Variants in NRXN1 observed in about 807,000 individuals in gnomAD.
The protein encoded by NRXN1 is neurexin 1, also known as neurexin-1.
Under a neutral mutation model 150.9 loss-of-function variants are expected in NRXN1, and 39 were observed. The observed-to-expected ratio is 0.26, with a 90% CI of 0.20 to 0.34. The LOEUF (loss-of-function observed/expected upper bound fraction) is 0.34. Among genes scored for constraint, NRXN1 ranks in the 10% least tolerant of loss-of-function variants. The probability of loss-of-function intolerance (pLI) is 1.00; values close to 1 mark genes in which losing one functional copy is unlikely to be tolerated. For synonymous variants in NRXN1, 924 were observed against 757.0 expected, an observed-to-expected ratio of 1.22 and a Z score of -3.62; for missense variants, 1,815 against 1,949.9, an observed-to-expected ratio of 0.93 and a Z score of 1.30.
intron 12 of NRXN1, among the ~76,000 whole-genome samples, chr2:50,520,406 G>C (rs1036411736): frequency 2.0e-5 from 3 of 151,240 alleles, no homozygotes; most frequent in Admixed American, 6.6e-5. Flanking sequence ...ACCCACTTTT[G>C]ATTTTTTAAT....
chr2:50,775,044 T>C (rs1703439891), intron 5 of NRXN1, among the ~76,000 whole-genome samples: 1 of 152,162 alleles, frequency 6.6e-6, no homozygotes. Context: ...GCATTCCTAC[T>C]GCTCTACTCC....
intron 18 of NRXN1, among the ~76,000 whole-genome samples, chr2:50,198,723 A>G (rs2061937693): frequency 6.6e-6 from 1 of 152,110 alleles, no homozygotes; most frequent in Admixed American, 6.6e-5. Context: ...ACCCCATTCT[A>G]GATTATCCCT....
At chr2:50,644,020 G>T (rs1209979204) in intron 5 of NRXN1, among the ~76,000 whole-genome samples, 1 of 151,198 alleles carries the variant, frequency 6.6e-6, no homozygotes, top group African/African-American at 2.4e-5. Context: ...TTTTTTGTTT[G>T]TTTGTTTTTT....
At chr2:50,325,908 C>G (rs1034191579) in intron 17 of NRXN1, among the ~76,000 whole-genome samples, 2 of 152,138 alleles carry the variant, frequency 1.3e-5, no homozygotes, top group African/African-American at 4.8e-5. Flanking sequence ...AGTTTCTAAT[C>G]TGTAGAGCCT....
intron 18 of NRXN1, among the ~76,000 whole-genome samples, chr2:50,131,779 ACCAGT>A (rs1705530766): frequency 6.6e-6 from 1 of 152,162 alleles, no homozygotes; most frequent in Non-Finnish European, 1.5e-5. Context: ...ATTACTGATT[ACCAGT>A]CATATGTCCC....
At chr2:49,932,214 C>T (rs753251946) in intron 22 of NRXN1, among the ~76,000 whole-genome samples, 5 of 152,026 alleles carry the variant, frequency 3.3e-5, no homozygotes, top group Non-Finnish European at 5.9e-5. Context: ...CCAAGAGTTC[C>T]AGACTAGCCT....
At chr2:50,658,638 T>G (rs896923087) in intron 5 of NRXN1, among the ~76,000 whole-genome samples, 2 of 151,960 alleles carry the variant, frequency 1.3e-5, no homozygotes, top group Non-Finnish European at 2.9e-5. Context: ...CCTCATCACT[T>G]CCTTCTACCG....
intron 2 of NRXN1, among the ~76,000 whole-genome samples, chr2:51,003,174 C>G (rs2105109825): frequency 6.6e-6 from 1 of 151,978 alleles, no homozygotes; most frequent in Non-Finnish European, 1.5e-5. Context: ...CATAGAAAGT[C>G]TTGGAGGAAC....
rs569625680 is a variant in NRXN1 at position 50,750,450 on chromosome 2, G to C, written c.833-126835C>G. Among the ~76,000 whole-genome samples, 339 of 152,032 alleles carry C rather than the reference G, an allele frequency of 2.2e-3. 1 individual carries two copies. The highest frequency in any genetic ancestry group is 7.6e-3 in the African/African-American group (317 of 41,508). Reference sequence around the variant, plus strand: ...AAAAAAGGAAGAGAAGAGAAAAGAAGAGAAGAGGAAAGAAAGAAAACCAAA... The same window carrying C: ...AAAAAAGGAAGAGAAGAGAAAAGAACAGAAGAGGAAAGAAAGAAAACCAAA... On this transcript the variant is annotated intron_variant, in intron 5 of 22. Transcript: ENST00000401669.
At chr2:50,918,851 G>T (rs1685587712) in intron 5 of NRXN1, 1 of 225,814 alleles carries the variant, frequency 4.4e-6, no homozygotes, top group Non-Finnish European at 8.6e-6. Flanking sequence ...CCAAAAAAAT[G>T]TGATCCAAAT....
intron 17 of NRXN1, among the ~76,000 whole-genome samples, chr2:50,435,259 T>C (rs2085327030): frequency 6.6e-6 from 1 of 152,180 alleles, no homozygotes; most frequent in African/African-American, 2.4e-5. Context: ...AGTAGTCACC[T>C]GCAAATCGGG....
At chr2:51,022,943 T>C (rs1033816744) in intron 2 of NRXN1, among the ~76,000 whole-genome samples, 2 of 152,138 alleles carry the variant, frequency 1.3e-5, no homozygotes, top group Non-Finnish European at 2.9e-5. Flanking sequence ...AATGGGTGTA[T>C]CTGCAGGAAA....
At chr2:50,734,413 G>T (rs1698468062) in intron 5 of NRXN1, among the ~76,000 whole-genome samples, 1 of 152,140 alleles carries the variant, frequency 6.6e-6, no homozygotes, top group African/African-American at 2.4e-5. Flanking sequence ...ATCATTTCAA[G>T]ATAAAATGAC....
At chr2:49,938,730 C>T (rs1671464649) in intron 22 of NRXN1, among the ~76,000 whole-genome samples, 1 of 152,144 alleles carries the variant, frequency 6.6e-6, no homozygotes, top group South Asian at 2.1e-4. Flanking sequence ...AAACAGGAGG[C>T]AGGTCTGGTT....
chr2:50,029,039 CT>C (rs1479628354), intron 21 of NRXN1, among the ~76,000 whole-genome samples: 1 of 152,186 alleles, frequency 6.6e-6, no homozygotes, highest in Non-Finnish European at 1.5e-5. Context: ...AATCCTCAAT[CT>C]GATGTTATTA....
chr2:50,742,892 A>C (rs1325249670), intron 5 of NRXN1, among the ~76,000 whole-genome samples: 3 of 152,162 alleles, frequency 2.0e-5, no homozygotes, highest in African/African-American at 7.2e-5. Flanking sequence ...AGGAAAATTG[A>C]TTTCTGAAGT....
chr2:50,986,809 A>C (rs566886599), intron 2 of NRXN1, among the ~76,000 whole-genome samples: 1 of 151,798 alleles, frequency 6.6e-6, no homozygotes, highest in Non-Finnish European at 1.5e-5. Context: ...AAAGCAACTC[A>C]CAGAAAAAAT....
At chr2:50,493,636 T>C (rs2104884229) in intron 15 of NRXN1, among the ~76,000 whole-genome samples, 1 of 152,230 alleles carries the variant, frequency 6.6e-6, no homozygotes, top group Admixed American at 6.5e-5. Flanking sequence ...AGCAGGCTGT[T>C]CTCAAACTCC....
At chr2:50,998,809 CA>C in intron 2 of NRXN1, among the ~76,000 whole-genome samples, 1 of 152,108 alleles carries the variant, frequency 6.6e-6, no homozygotes, top group South Asian at 2.1e-4. Flanking sequence ...TGAATCCTTT[CA>C]AATTCTTGTT....
Sources: allele counts gnomAD v4.1 joint callset (sites outside exome capture counted in the v4.1 genomes callset), GRCh38; gene constraint gnomAD v4.1.1; transcripts MANE v1.5; gene names NCBI Gene and HGNC (gene_info 2026-07-23, HGNC 2026-07-21).